ARHGEF10L: variants seen among roughly 807,000 people sequenced by gnomAD.
ARHGEF10L encodes the protein rho guanine nucleotide exchange factor 10-like protein.
A neutral mutation model predicts 141.2 loss-of-function variants in ARHGEF10L; 69 were observed. That is an observed-to-expected ratio of 0.49 (90% CI 0.40 to 0.60). The LOEUF (loss-of-function observed/expected upper bound fraction) is 0.60, where lower values mean the gene tolerates loss of function less well. Among genes scored for constraint, ARHGEF10L ranks in the 20% least tolerant of loss-of-function variants. The probability of loss-of-function intolerance (pLI) is 0.00; values close to 1 mark genes in which losing one functional copy is unlikely to be tolerated. For missense variants in ARHGEF10L, 1,482 were observed against 1,734.3 expected, an observed-to-expected ratio of 0.85 and a Z score of 2.58; for synonymous variants, 711 against 718.5, an observed-to-expected ratio of 0.99 and a Z score of 0.17.
At chr1:17,689,831 G>A (rs2064962536) in intron 27 of ARHGEF10L, 1 of 455,962 alleles carries the variant, frequency 2.2e-6, no homozygotes, top group Non-Finnish European at 4.4e-6. Context: ...GCGCAGAGGA[G>A]AGTGAGAGAG....
In ARHGEF10L at chr1:17,652,340, G is replaced by A. The variant is rs1408441715; in HGVS notation, c.2395-2296G>A. On this transcript the variant is annotated intron_variant, in intron 22 of 28. Transcript: ENST00000361221. ...TGACTCAAGGGAATCAGTTGGGAGT[G>A]TGAAGGAGCATCAGCAGGGGCCACC... Among the ~76,000 whole-genome samples, 3 of 152,224 alleles carry A rather than the reference G, an allele frequency of 2.0e-5. No homozygotes were observed. The East Asian group carries it at 5.8e-4, about 29-fold the overall frequency.
intron 4 of ARHGEF10L, among the ~76,000 whole-genome samples, chr1:17,588,899 T>TGTGTGTGTGTGG (rs1557758147): frequency 1.7e-4 from 5 of 30,044 alleles, no homozygotes; most frequent in Non-Finnish European, 2.5e-4. Context: ...TGTGTGTGTG[T>TGTGTGTGTGTGG]AGTGGGGGAG....
chr1:17,648,474 TG>T, intron 21 of ARHGEF10L, 79 bp from the exon 22 acceptor site: 1 of 1,562,080 alleles, frequency 6.4e-7, no homozygotes, highest in Non-Finnish European at 8.7e-7. Context: ...AGTGGCTCCC[TG>T]GGGCTTGGAG....
the ARHGEF10L span, among the ~76,000 whole-genome samples, chr1:17,529,967 G>A: frequency 6.6e-6 from 1 of 151,898 alleles, no homozygotes; most frequent in Admixed American, 6.6e-5. Flanking sequence ...CGAGTAGCTG[G>A]GACTACAGGC....
intron 10 of ARHGEF10L, among the ~76,000 whole-genome samples, chr1:17,620,029 A>C (rs1370256015): frequency 6.6e-6 from 1 of 152,020 alleles, no homozygotes; most frequent in Non-Finnish European, 1.5e-5. Flanking sequence ...TCTCTACTAA[A>C]AATACAAAAA....
chr1:17,594,660 T>C (rs1011528531), intron 4 of ARHGEF10L, among the ~76,000 whole-genome samples: 13 of 152,170 alleles, frequency 8.5e-5, no homozygotes, highest in African/African-American at 3.1e-4. Flanking sequence ...TTTTTTTCTA[T>C]TTTTAGTAGA....
At chr1:17,679,481 C>T (rs902856646) in intron 26 of ARHGEF10L, among the ~76,000 whole-genome samples, 11 of 152,252 alleles carry the variant, frequency 7.2e-5, no homozygotes, top group East Asian at 5.8e-4. Flanking sequence ...CTTCCAGTGC[C>T]GCAGCCTGGA....
upstream of ARHGEF10L, among the ~76,000 whole-genome samples, chr1:17,535,399 C>A (rs1208751311): frequency 6.6e-6 from 1 of 152,218 alleles, no homozygotes. Context: ...CAGGCCACAG[C>A]CTGGTTCTGA....
the ARHGEF10L span, among the ~76,000 whole-genome samples, chr1:17,521,026 C>A: frequency 5.3e-5 from 8 of 152,136 alleles, no homozygotes; most frequent in African/African-American, 1.9e-4. Flanking sequence ...GCCATCCGGG[C>A]CTCAGCAGGG....
chr1:17,556,119 G>T lies in ARHGEF10L; in HGVS notation c.-44+16169G>T, dbSNP rs572880870. ...GGGATGAGCCTGGGAGCATGGGGGG[G>T]GCCTGGAAACACAGGGGGGCCTGGG... On this transcript the variant is annotated intron_variant, in intron 1 of 28. Coordinates refer to ENST00000361221, the MANE Select transcript of ARHGEF10L (RefSeq NM_018125.4). Among the ~76,000 whole-genome samples the T allele has an allele frequency of 7.3e-5, 6 of 82,718 alleles. No homozygotes were observed. The East Asian group carries it at 2.4e-3, about 33-fold the overall frequency. The allele number at this position is 82,718 out of a possible 152,430, so 54.3% of individuals were successfully genotyped here.
Position 17,697,688 on chromosome 1 carries a change from C to T in ARHGEF10L, c.*308C>T. 3.7e-6 allele frequency: 2 copies of T among 544,960 alleles called. No individual in the cohort carries two copies. The highest frequency in any genetic ancestry group is 7.0e-6 in the Non-Finnish European group (2 of 284,918). 33.8% of individuals were successfully genotyped at this position (544,960 alleles called of 1,614,324 possible). A position where few individuals can be genotyped will look rare whatever the true frequency, so the allele number is the denominator to read the frequency against. ...CACTTGTTTGGGCCCTAGCGGGACTCCAAGGCAGCCACACGCCCCTCCTGG... is the reference window on the plus strand; with the variant it reads ...CACTTGTTTGGGCCCTAGCGGGACTTCAAGGCAGCCACACGCCCCTCCTGG... On this transcript the variant is annotated 3_prime_UTR_variant, in exon 29 of 29. Coordinates refer to ENST00000361221, the MANE Select transcript of ARHGEF10L (RefSeq NM_018125.4). This position sits in a 1 kb window ranked among gnomAD's most constrained non-coding sequence, Gnocchi z 4.8.
intron 1 of ARHGEF10L, among the ~76,000 whole-genome samples, chr1:17,569,193 A>T (rs1422148877): frequency 6.6e-6 from 1 of 152,008 alleles, no homozygotes; most frequent in Non-Finnish European, 1.5e-5. Context: ...TGGTGGGAGG[A>T]TTAGGGGAGG....
At chr1:17,532,898 C>T in the ARHGEF10L span, among the ~76,000 whole-genome samples, 2 of 152,074 alleles carry the variant, frequency 1.3e-5, no homozygotes, top group African/African-American at 2.4e-5. Flanking sequence ...CCCACCACCC[C>T]CTCTTGACCT....
chr1:17,601,855 A>G (rs558820386), intron 4 of ARHGEF10L, among the ~76,000 whole-genome samples: 1 of 152,310 alleles, frequency 6.6e-6, no homozygotes, highest in African/African-American at 2.4e-5. Flanking sequence ...GGGAGAGACG[A>G]GACAGCCCCC....
intron 26 of ARHGEF10L, among the ~76,000 whole-genome samples, chr1:17,675,042 G>A (rs2063558311): frequency 6.6e-6 from 1 of 152,172 alleles, no homozygotes; most frequent in South Asian, 2.1e-4. Context: ...TGTGGCTTGA[G>A]TCTTTTGGGC....
the ARHGEF10L span, among the ~76,000 whole-genome samples, chr1:17,520,790 A>G: frequency 6.6e-6 from 1 of 152,230 alleles, no homozygotes; most frequent in Non-Finnish European, 1.5e-5. Context: ...TTAGGGTCAC[A>G]GAGTGAGGGA....
intron 4 of ARHGEF10L, among the ~76,000 whole-genome samples, chr1:17,589,124 G>C (rs2079317127): frequency 6.6e-6 from 1 of 152,116 alleles, no homozygotes. Context: ...CCCCACACTG[G>C]CCACAGGTCC....
intron 16 of ARHGEF10L, 47 bp from the exon 17 acceptor site, chr1:17,634,501 C>T (rs749405843): frequency 3.1e-6 from 5 of 1,614,176 alleles, no homozygotes; most frequent in Middle Eastern, 1.7e-4. Flanking sequence ...AGATTAGCCA[C>T]TCCATTGTAA....
chr1:17,555,344 G>T (rs1351154846), intron 1 of ARHGEF10L, among the ~76,000 whole-genome samples: 5 of 151,720 alleles, frequency 3.3e-5, no homozygotes, highest in Non-Finnish European at 7.4e-5. Flanking sequence ...TGGTGTCAGT[G>T]GTTTGTCAGG....
Sources: allele counts gnomAD v4.1 joint callset (sites outside exome capture counted in the v4.1 genomes callset), GRCh38; gene constraint gnomAD v4.1.1; non-coding constraint Gnocchi (gnomAD v3.1); transcripts MANE v1.5; gene names NCBI Gene and HGNC (gene_info 2026-07-23, HGNC 2026-07-21).